CENPF: variants seen among roughly 807,000 people sequenced by gnomAD.
CENPF encodes AH antigen.
In CENPF, 214 loss-of-function variants were observed where a neutral mutation model predicts 307.3. That is an observed-to-expected ratio of 0.70 (90% CI 0.62 to 0.78). The LOEUF (loss-of-function observed/expected upper bound fraction) is 0.78, where lower values mean the gene tolerates loss of function less well. CENPF is among the 30% of genes least tolerant of loss of function. CENPF has a pLI of 0.00. For synonymous variants in CENPF, 1,259 were observed against 1,270.6 expected, an observed-to-expected ratio of 0.99 and a Z score of 0.19; for missense variants, 3,401 against 3,483.9, an observed-to-expected ratio of 0.98 and a Z score of 0.60.
In CENPF at chr1:214,629,068, T is replaced by C; in HGVS notation, c.1091T>C (p.Leu364Pro). The stretch of plus-strand genomic sequence containing the variant: ...TAGTATACTGCATTGGAACAAAAAC[T>C]GAAAAAATTGACGGAAGATTTGAGT... ...STKYTALEQK[L>P]KKLTEDLSCQ... The change falls in exon 8 of 20, where the codon CTG becomes CCG. Residue 364 changes from leucine (L) to proline (P), a missense_variant. Physicochemically the swap from Leu to Pro is moderately conservative, Grantham distance 98. Coordinates refer to ENST00000366955, the MANE Select transcript of CENPF (RefSeq NM_016343.4). The C allele has an allele frequency of 3.1e-6, 5 of 1,610,012 alleles. No individual in the cohort carries two copies. The highest frequency in any genetic ancestry group is 4.2e-6 in the Non-Finnish European group (5 of 1,178,074).
intron 19 of CENPF, among the ~76,000 whole-genome samples, chr1:214,661,618 C>T (rs1056103258): frequency 2.6e-5 from 4 of 152,142 alleles, no homozygotes; most frequent in Admixed American, 2.0e-4. Context: ...GATGGATTAG[C>T]TCAGGAACCC....
Position 214,656,937 on chromosome 1 carries a change from T to A in CENPF, c.8490T>A (p.Thr2830=), listed in dbSNP as rs1173696467. The change falls in exon 18 of 20, where the codon ACT becomes ACA. Residue 2830 remains threonine (T), a synonymous_variant. Coordinates refer to ENST00000366955, the MANE Select transcript of CENPF (RefSeq NM_016343.4). Reference sequence around the variant, plus strand: ...GTGTTGCTTTACTTTGGACAGGTACTGTTATGGATACCAAGGTCGATGAAT... The same window carrying A: ...GTGTTGCTTTACTTTGGACAGGTACAGTTATGGATACCAAGGTCGATGAAT... ...QAAQEKQKTG[T]VMDTKVDELT... is the part of the protein sequence containing the mutation. 1.3e-6 allele frequency: 2 copies of A among 1,597,926 alleles called. No individual in the cohort carries two copies. Among genetic ancestry groups the A allele is most frequent in the Non-Finnish European group, 1.7e-6 (2 of 1,173,780 alleles).
Position 214,615,001 on chromosome 1 carries a change from T to C in CENPF, c.332T>C (p.Ile111Thr), listed in dbSNP as rs1217907439. 1.2e-6 allele frequency: 2 copies of C among 1,601,814 alleles called. No individual in the cohort carries two copies. The highest frequency in any genetic ancestry group is 1.7e-6 in the Non-Finnish European group (2 of 1,176,202). ...EGQLNSGKKQ[I>T]EKLEQELKRC... is the part of the protein sequence containing the mutation. The stretch of plus-strand genomic sequence containing the variant: ...CAACTGAATTCAGGCAAAAAACAAA[T>C]AGAAAAACTGGAACAGGAACTTAAA... Residue 111 changes from isoleucine (I) to threonine (T), a missense_variant, in exon 3 of 20, where the codon ATA becomes ACA. Ile to Thr is a moderately conservative substitution (Grantham distance 89). Transcript: ENST00000366955.
intron 17 of CENPF, among the ~76,000 whole-genome samples, chr1:214,656,052 TTTGGTAATTTATAAATAGC>T (rs1286413851): frequency 3.3e-5 from 5 of 152,208 alleles, no homozygotes; most frequent in Non-Finnish European, 7.3e-5. Context: ...CAGAATTGGC[TTTGGTAATTTATAAATAGC>T]TGATTCTGGT....
At chr1:214,653,071 T>A in intron 16 of CENPF, 82 bp downstream of exon 16, 1 of 1,293,406 alleles carries the variant, frequency 7.7e-7, no homozygotes, top group Non-Finnish European at 1.1e-6. Context: ...ATTAAACGTT[T>A]TCATTTTCAT....
At chr1:214,617,452 T>C (rs1008869269) in intron 3 of CENPF, among the ~76,000 whole-genome samples, 1 of 152,192 alleles carries the variant, frequency 6.6e-6, no homozygotes, top group African/African-American at 2.4e-5. Flanking sequence ...TATGTTAAAC[T>C]GAAGTCAGAG....
At position 214,639,987 on chromosome 1, in the gene CENPF, C is replaced by A; in HGVS notation, c.1649C>A (p.Ser550Tyr). 1 of 1,586,962 alleles carries A rather than the reference C, an allele frequency of 6.3e-7. No individual in the cohort carries two copies. The highest frequency in any genetic ancestry group is 8.5e-7 in the Non-Finnish European group (1 of 1,173,104). The change falls in exon 12 of 20, where the codon TCC (serine) becomes TAC (tyrosine). Residue 550 changes from serine (S) to tyrosine (Y), a missense_variant. Coordinates refer to ENST00000366955, the MANE Select transcript of CENPF (RefSeq NM_016343.4). Reference protein sequence around the residue: ...LQEKINQQENSLTLEKLKLAV... With the variant: ...LQEKINQQENYLTLEKLKLAV... ...GAAAAAATAAATCAGCAAGAAAACT[C>A]CTTGACTTTAGAAAAACTGAAGCTT...
rs1032309962 is a variant in CENPF at position 214,640,925 on chromosome 1, A to G, written c.2587A>G (p.Ile863Val). 1 of 1,608,778 alleles carries G rather than the reference A, an allele frequency of 6.2e-7. No individual in the cohort carries two copies. Among genetic ancestry groups the G allele is most frequent in the Non-Finnish European group, 8.5e-7 (1 of 1,178,802 alleles). The change falls in exon 12 of 20, where the codon ATA becomes GTA. Residue 863 changes from isoleucine to valine, a missense_variant. By Grantham distance (29) the Ile-to-Val change is conservative (BLOSUM62 3). Coordinates refer to ENST00000366955, the MANE Select transcript of CENPF (RefSeq NM_016343.4). ...CEELVQIKGE[I>V]EENLMKAEQM... ...AGAGTTGGTGCAAATCAAAGGAGAA[A>G]TAGAAGAAAATCTCATGAAAGCAGA...
intron 9 of CENPF, among the ~76,000 whole-genome samples, chr1:214,631,443 T>G (rs1186540041): frequency 1.3e-5 from 2 of 152,232 alleles, no homozygotes; most frequent in African/African-American, 4.8e-5. Context: ...ATGTGAAATT[T>G]ATAGCCTAAA....
In CENPF at chr1:214,644,616, A is replaced by G; in HGVS notation, c.5046A>G (p.Thr1682=). Residue 1682 remains threonine (T), a synonymous_variant, in exon 13 of 20, where the codon ACA becomes ACG. Coordinates refer to ENST00000366955, the MANE Select transcript of CENPF (RefSeq NM_016343.4). ...CAAAAGAACATACTTCAGAAACTAC[A>G]GAAAGAACACCAAAGCATGATGTTC... The part of the protein sequence containing the change: ...DISKEHTSET[T]ERTPKHDVHQ... The G allele has an allele frequency of 6.2e-7, 1 of 1,613,806 alleles. No individual in the cohort carries two copies. Among genetic ancestry groups the G allele is most frequent in the South Asian group, 1.1e-5 (1 of 91,042 alleles).
chr1:214,615,366 C>G (rs1200663373), intron 3 of CENPF, among the ~76,000 whole-genome samples: 2 of 152,068 alleles, frequency 1.3e-5, no homozygotes, highest in African/African-American at 2.4e-5. Flanking sequence ...TACTATCATA[C>G]TATCAAATTG....
chr1:214,645,307 A>G lies in CENPF; in HGVS notation c.5737A>G (p.Ser1913Gly). The G allele has an allele frequency of 1.9e-6, 3 of 1,614,154 alleles. No homozygotes were observed. Among genetic ancestry groups the G allele is most frequent in the Non-Finnish European group, 2.5e-6 (3 of 1,180,026 alleles). The change falls in exon 13 of 20, where the codon AGC becomes GGC. Residue 1913 changes from serine to glycine, a missense_variant. Physicochemically the swap from Ser to Gly is moderately conservative, Grantham distance 56. Coordinates refer to ENST00000366955, the MANE Select transcript of CENPF (RefSeq NM_016343.4). ...GAGTAGGATCAGATCGGAGAAAGCT[A>G]GCATTGAGCATGAAGCCCTCTACCT... is the stretch of plus-strand genomic sequence containing the variant. ...ELSRIRSEKA[S>G]IEHEALYLEA... is the part of the protein sequence containing the mutation.
chr1:214,610,986 G>A (rs1657184503), intron 1 of CENPF, among the ~76,000 whole-genome samples: 1 of 152,134 alleles, frequency 6.6e-6, no homozygotes, highest in Non-Finnish European at 1.5e-5. Context: ...AGATCAGATG[G>A]TTGTAGGTGT....
chr1:214,637,786 T>C, intron 10 of CENPF, 80 bp from the exon 11 acceptor site: 1 of 1,425,754 alleles, frequency 7.0e-7, no homozygotes, highest in Non-Finnish European at 9.5e-7. Flanking sequence ...ACAGTTCTGC[T>C]AGGGACCTTT....
chr1:214,645,018 A>G lies in CENPF; in HGVS notation c.5448A>G (p.Val1816=). 6.2e-7 allele frequency: 1 copy of G among 1,613,862 alleles called. No homozygotes were observed. Among genetic ancestry groups the G allele is most frequent in the Middle Eastern group, 1.7e-4 (1 of 6,060 alleles). The part of the protein sequence containing the change: ...ELDSKLHLQE[V]QLMTKIEACI... Reference sequence around the variant, plus strand: ...ACTCAAAACTCCATTTACAGGAGGTACAACTAATGACCAAAATTGAAGCAT... The same window carrying G: ...ACTCAAAACTCCATTTACAGGAGGTGCAACTAATGACCAAAATTGAAGCAT... Residue 1816 remains valine (V), a synonymous_variant, in exon 13 of 20, where the codon GTA becomes GTG. Transcript: ENST00000366955.
rs1182731084 is a variant in CENPF, at chr1:214,644,911, A to G, written c.5341A>G (p.Asn1781Asp). ...NLQLRVKETSNENLRLLHVIE... is the reference protein window; with the variant it reads ...NLQLRVKETSDENLRLLHVIE... The stretch of plus-strand genomic sequence containing the variant: ...TCAACTGCGGGTAAAAGAGACATCA[A>G]ATGAGAATTTGAGATTACTTCATGT... Residue 1781 changes from asparagine to aspartate, a missense_variant, in exon 13 of 20, where the codon AAT (asparagine) becomes GAT (aspartate). Asn to Asp is a conservative substitution (Grantham distance 23, BLOSUM62 1). Transcript: ENST00000366955. 2.5e-6 allele frequency: 4 copies of G among 1,613,988 alleles called. No homozygotes were observed. The highest frequency in any genetic ancestry group is 3.4e-6 in the Non-Finnish European group (4 of 1,179,974).
intron 15 of CENPF, 95 bp downstream of exon 15, chr1:214,651,981 G>A: frequency 9.2e-7 from 1 of 1,082,742 alleles, no homozygotes; most frequent in Non-Finnish European, 1.3e-6. Flanking sequence ...AATATTCTGG[G>A]TTATTACTAT....
intron 16 of CENPF, among the ~76,000 whole-genome samples, chr1:214,654,896 G>A (rs1658588032): frequency 6.6e-6 from 1 of 152,168 alleles, no homozygotes; most frequent in South Asian, 2.1e-4. Flanking sequence ...CTGTCATTGA[G>A]AATTTTGGAC....
In CENPF at chr1:214,629,518, A is replaced by AT. The variant is rs772780516; in HGVS notation, c.1194+356dup. Among the ~76,000 whole-genome samples, 10 of 150,506 alleles carry AT rather than the reference A, an allele frequency of 6.6e-5. No individual in the cohort carries two copies. In the East Asian group the frequency reaches 7.8e-4, roughly 12 times the overall value. On this transcript the variant is annotated intron_variant, in intron 8 of 19. Coordinates refer to ENST00000366955, the MANE Select transcript of CENPF (RefSeq NM_016343.4). ...TTACATTTTCCAGTAGGCTTTTAAA[A>AT]TTTTTTTTTCTTTCACTCTATTTCC...
Sources: allele counts gnomAD v4.1 joint callset (sites outside exome capture counted in the v4.1 genomes callset), GRCh38; gene constraint gnomAD v4.1.1; transcripts MANE v1.5; gene names NCBI Gene and HGNC (gene_info 2026-07-23, HGNC 2026-07-21).